ACSS1: variants seen among roughly 807,000 people sequenced by gnomAD.
The protein encoded by ACSS1 is acetyl-coenzyme A synthetase 2-like, mitochondrial.
In ACSS1, 42 loss-of-function variants were observed where a neutral mutation model predicts 75.3. The observed-to-expected ratio is 0.56, with a 90% CI of 0.44 to 0.72. The LOEUF is 0.72. Ranked by LOEUF, ACSS1 falls within the 30% of genes least tolerant of loss-of-function variation. The pLI, the probability that ACSS1 is intolerant of heterozygous loss-of-function variation, is 0.00. For missense variants in ACSS1, 782 were observed against 935.7 expected, an observed-to-expected ratio of 0.84 and a Z score of 2.14; for synonymous variants, 380 against 376.8, an observed-to-expected ratio of 1.01 and a Z score of -0.10.
At chr20:25,019,875 G>C (rs1166978327) in intron 7 of ACSS1, 135 bp downstream of exon 7, 4 of 1,318,184 alleles carry the variant, frequency 3.0e-6, no homozygotes, top group Non-Finnish European at 4.1e-6. Flanking sequence ...CTTTCTACCA[G>C]ATCCGGTCTG....
At chr20:25,015,745 T>G (rs542004144) in intron 7 of ACSS1, among the ~76,000 whole-genome samples, 1 of 152,182 alleles carries the variant, frequency 6.6e-6, no homozygotes, top group East Asian at 1.9e-4. Flanking sequence ...CATTAGATGA[T>G]GGATATCAAA....
intron 12 of ACSS1, chr20:25,009,709 G>A: frequency 3.3e-6 from 1 of 300,450 alleles, no homozygotes; most frequent in Non-Finnish European, 6.3e-6. Flanking sequence ...ACACATCTGT[G>A]AAATAACCCA....
At chr20:25,017,042 G>A (rs907610060) in intron 7 of ACSS1, among the ~76,000 whole-genome samples, 3 of 151,442 alleles carry the variant, frequency 2.0e-5, no homozygotes, top group African/African-American at 7.3e-5. Flanking sequence ...GCCTGGACTG[G>A]AGTGCAGTGG....
chr20:25,055,603 C>T (rs140187730), intron 1 of ACSS1, among the ~76,000 whole-genome samples: 2,153 of 152,290 alleles, frequency 0.014, 36 homozygotes, highest in Non-Finnish European at 0.017. Flanking sequence ...GGTGTCAGGT[C>T]CCATCCCAGG....
chr20:25,008,945 G>A (rs766964383), intron 13 of ACSS1, among the ~76,000 whole-genome samples: 9 of 152,064 alleles, frequency 5.9e-5, no homozygotes, highest in Non-Finnish European at 8.8e-5. Flanking sequence ...CTGGCTGAGT[G>A]TGGAAACCTG....
At chr20:25,012,086 C>A (rs889685934) in intron 12 of ACSS1, 2 of 157,540 alleles carry the variant, frequency 1.3e-5, no homozygotes, top group African/African-American at 4.8e-5. Flanking sequence ...ATTCTGCATT[C>A]CCCCAGCATG....
At chr20:25,035,975 C>T (rs1265801410) in intron 2 of ACSS1, among the ~76,000 whole-genome samples, 4 of 152,186 alleles carry the variant, frequency 2.6e-5, no homozygotes, top group African/African-American at 9.7e-5. Flanking sequence ...GTGACTGGTG[C>T]CTTGGGCTAC....
chr20:25,028,565 G>A (rs1206905951), intron 3 of ACSS1, among the ~76,000 whole-genome samples: 1 of 152,134 alleles, frequency 6.6e-6, no homozygotes, highest in Non-Finnish European at 1.5e-5. Context: ...GATAGCCATA[G>A]GACAAAGAAT....
At chr20:25,030,454 C>T (rs1355666174) in intron 3 of ACSS1, among the ~76,000 whole-genome samples, 1 of 152,174 alleles carries the variant, frequency 6.6e-6, no homozygotes, top group Non-Finnish European at 1.5e-5. Context: ...ACACTTCCCT[C>T]CTGCCGCACT....
intron 6 of ACSS1, 142 bp from the exon 7 acceptor site, chr20:25,020,289 C>G: frequency 8.7e-7 from 1 of 1,149,216 alleles, no homozygotes; most frequent in Non-Finnish European, 1.2e-6. Flanking sequence ...CAACCCCCCA[C>G]CCCCGCCAGT....
chr20:25,057,475 G>A (rs2089258915), intron 1 of ACSS1, among the ~76,000 whole-genome samples: 3 of 152,206 alleles, frequency 2.0e-5, no homozygotes, highest in Admixed American at 6.5e-5. Flanking sequence ...TCTGGAGTCC[G>A]CCGAGCGAGG....
At chr20:25,008,699 G>A (rs1372342766) in intron 13 of ACSS1, among the ~76,000 whole-genome samples, 4 of 152,298 alleles carry the variant, frequency 2.6e-5, no homozygotes, top group East Asian at 3.9e-4. Flanking sequence ...GGGGGTCTGC[G>A]ATCTCCTTCA....
At chr20:25,057,245 TCCCCAGGTCGCCCG>T (rs905080739) in intron 1 of ACSS1, among the ~76,000 whole-genome samples, 14 of 152,106 alleles carry the variant, frequency 9.2e-5, no homozygotes, top group Non-Finnish European at 1.8e-4. Context: ...AGTTTCCTCC[TCCCCAGGTCGCCCG>T]CCACAGCTCT....
intron 11 of ACSS1, 60 bp from the exon 12 acceptor site, chr20:25,012,724 C>CG: frequency 6.2e-7 from 1 of 1,613,504 alleles, no homozygotes; most frequent in South Asian, 1.1e-5. Context: ...AGAAGTGACT[C>CG]GGGCCAGGGA....
intron 1 of ACSS1, among the ~76,000 whole-genome samples, chr20:25,052,802 C>T (rs747497533): frequency 4.6e-5 from 7 of 152,244 alleles, no homozygotes; most frequent in Non-Finnish European, 1.0e-4. Flanking sequence ...CACAGATGCC[C>T]AGGGCCCCAC....
intron 1 of ACSS1, among the ~76,000 whole-genome samples, chr20:25,054,840 T>C (rs959580615): frequency 3.3e-5 from 5 of 152,234 alleles, no homozygotes; most frequent in Non-Finnish European, 7.3e-5. Flanking sequence ...TAAAGTGCGG[T>C]GTCACCAAAT....
intron 3 of ACSS1, among the ~76,000 whole-genome samples, chr20:25,026,309 T>C (rs1017099834): frequency 6.6e-6 from 1 of 152,114 alleles, no homozygotes; most frequent in Admixed American, 6.6e-5. Context: ...TCCCCTTGAA[T>C]CTAGAATGGC....
At chr20:25,023,736 G>T in intron 3 of ACSS1, 95 bp from the exon 4 acceptor site, 1 of 1,216,720 alleles carries the variant, frequency 8.2e-7, no homozygotes, top group South Asian at 1.5e-5. Flanking sequence ...CTAGGAGTGT[G>T]AGAAACTCAG....
At chr20:25,047,937 C>A in intron 2 of ACSS1, 148 bp downstream of exon 2, 1 of 605,576 alleles carries the variant, frequency 1.7e-6, no homozygotes, top group Non-Finnish European at 2.8e-6. Flanking sequence ...TGCTTGCGTT[C>A]ACATTTACTT....
Sources: gnomAD v4.1 joint callset for allele counts (sites outside exome capture counted in the v4.1 genomes callset) on GRCh38, gnomAD v4.1.1 for gene constraint, MANE v1.5 for transcripts, NCBI Gene and HGNC (gene_info 2026-07-23, HGNC 2026-07-21) for gene names.